The following GPR158 variants were observed in gnomAD, a reference collection of about 807,000 sequenced individuals.
GPR158 encodes G protein-coupled receptor 158, also known as metabotropic glycine receptor.
A neutral mutation model predicts 78.2 loss-of-function variants in GPR158; 30 were observed. That is an observed-to-expected ratio of 0.38 (90% CI 0.29 to 0.52). The LOEUF is 0.52. Ranked by LOEUF, GPR158 falls within the 20% of genes least tolerant of loss-of-function variation. The probability of loss-of-function intolerance (pLI) is 0.83; values close to 1 mark genes in which losing one functional copy is unlikely to be tolerated. For synonymous variants in GPR158, 581 were observed against 591.1 expected, an observed-to-expected ratio of 0.98 and a Z score of 0.25; for missense variants, 1,463 against 1,523.5, an observed-to-expected ratio of 0.96 and a Z score of 0.66.
intron 5 of GPR158, among the ~76,000 whole-genome samples, chr10:25,530,286 G>A (rs781707405): frequency 7.2e-5 from 11 of 152,294 alleles, no homozygotes; most frequent in African/African-American, 2.2e-4. Context: ...TAATGCCAGC[G>A]TGAATCTGGT....
chr10:25,318,460 T>C (rs970877467), intron 2 of GPR158, among the ~76,000 whole-genome samples: 2 of 152,094 alleles, frequency 1.3e-5, no homozygotes, highest in Admixed American at 1.3e-4. Flanking sequence ...GGTGGCTGAG[T>C]TTAATCATAA....
chr10:25,236,835 A>G (rs1041223620), intron 2 of GPR158, among the ~76,000 whole-genome samples: 1 of 152,102 alleles, frequency 6.6e-6, no homozygotes, highest in Non-Finnish European at 1.5e-5. Flanking sequence ...GGTTGCTATT[A>G]ATTACAATAA....
At chr10:25,539,463 T>C (rs574644335) in intron 5 of GPR158, among the ~76,000 whole-genome samples, 168 of 152,194 alleles carry the variant, frequency 1.1e-3, no homozygotes, top group African/African-American at 3.9e-3. Context: ...GAATCACCAC[T>C]AAGACTTTGG....
chr10:25,497,417 CG>C (rs1835896434), intron 5 of GPR158, among the ~76,000 whole-genome samples: 1 of 152,114 alleles, frequency 6.6e-6, no homozygotes, highest in Admixed American at 6.6e-5. Context: ...GAACATAAAG[CG>C]CCTATTAACA....
In GPR158 at chr10:25,254,833, C is replaced by T. The variant is rs544410845; in HGVS notation, c.1008+33676C>T. Among the ~76,000 whole-genome samples, 112 of 152,232 alleles carry T rather than the reference C, an allele frequency of 7.4e-4. 1 individual carries two copies. The Middle Eastern group carries it at 0.02, about 28-fold the overall frequency. On this transcript the variant is annotated intron_variant, in intron 2 of 10. Coordinates refer to ENST00000376351, the MANE Select transcript of GPR158 (RefSeq NM_020752.3). ...AACTTTTAGCAAATTAACTTTCTCA[C>T]CTTGGAAGTATCTAATGACTAGACA...
chr10:25,525,366 G>A (rs1932150), intron 5 of GPR158, among the ~76,000 whole-genome samples: 46,366 of 152,004 alleles, frequency 0.31, 8,017 homozygotes, highest in East Asian at 0.48. Flanking sequence ...GCTCAAAAGT[G>A]GAAGCAATTC....
chr10:25,266,196 A>G lies in GPR158; in HGVS notation c.1008+45039A>G, dbSNP rs572415836. Among the ~76,000 whole-genome samples, 41 of 152,292 alleles carry G rather than the reference A, an allele frequency of 2.7e-4. No individual in the cohort carries two copies. The South Asian group carries it at 3.5e-3, about 13-fold the overall frequency. On this transcript the variant is annotated intron_variant, in intron 2 of 10. Transcript: ENST00000376351. Reference sequence around the variant, plus strand: ...TTAAGTTTCTTTGTTAGAGGTTTTCATAGAACTGGGTTTCTTTCTTTCAGA... The same window carrying G: ...TTAAGTTTCTTTGTTAGAGGTTTTCGTAGAACTGGGTTTCTTTCTTTCAGA...
At chr10:25,311,950 C>T (rs78720017) in intron 2 of GPR158, among the ~76,000 whole-genome samples, 2 of 151,958 alleles carry the variant, frequency 1.3e-5, no homozygotes, top group East Asian at 1.9e-4. Flanking sequence ...TTTTTGACAT[C>T]TGGCCTAATA....
intron 4 of GPR158, among the ~76,000 whole-genome samples, chr10:25,431,076 A>G (rs1385113539): frequency 7.0e-6 from 1 of 142,350 alleles, no homozygotes; most frequent in East Asian, 2.0e-4. Flanking sequence ...TGAACAGGCA[A>G]CCTACTAAAT....
At chr10:25,297,346 A>G (rs534523138) in intron 2 of GPR158, among the ~76,000 whole-genome samples, 45 of 152,336 alleles carry the variant, frequency 3.0e-4, no homozygotes, top group African/African-American at 1.1e-3. Flanking sequence ...ACAAGGTTTG[A>G]CATTGGTCTT....
intron 4 of GPR158, among the ~76,000 whole-genome samples, chr10:25,426,300 A>G (rs1834819145): frequency 6.6e-6 from 1 of 152,130 alleles, no homozygotes; most frequent in Admixed American, 6.6e-5. Context: ...CTTTCTTAAC[A>G]TTCGTATGTT....
intron 2 of GPR158, among the ~76,000 whole-genome samples, chr10:25,256,173 GA>G (rs59576970): frequency 0.044 from 5,995 of 136,744 alleles, 301 homozygotes; most frequent in East Asian, 0.26. Flanking sequence ...ACTTTCGACT[GA>G]AAAAAAAAAA....
intron 6 of GPR158, among the ~76,000 whole-genome samples, chr10:25,560,680 A>G (rs1836849073): frequency 1.3e-5 from 2 of 152,332 alleles, no homozygotes; most frequent in South Asian, 2.1e-4. Flanking sequence ...AAATGATCAC[A>G]CCAGTTAAAT....
intron 2 of GPR158, among the ~76,000 whole-genome samples, chr10:25,241,255 TTTCC>T (rs1853611922): frequency 4.3e-5 from 6 of 138,034 alleles, no homozygotes; most frequent in African/African-American, 1.4e-4. Context: ...CTTTCCTTTC[TTTCC>T]TTTCTTTCTT....
chr10:25,315,705 TTTTAAAGTTTCCTTAAAAC>T (rs1482274715), intron 2 of GPR158, among the ~76,000 whole-genome samples: 1 of 150,978 alleles, frequency 6.6e-6, no homozygotes, highest in East Asian at 1.9e-4. Context: ...GCTCTTTAAT[TTTTAAAGTTTCCTTAAAAC>T]TTTAAAGTTT....
At chr10:25,297,627 G>A (rs1047972243) in intron 2 of GPR158, among the ~76,000 whole-genome samples, 7 of 152,140 alleles carry the variant, frequency 4.6e-5, no homozygotes, top group Admixed American at 2.0e-4. Context: ...TCCCACGTAC[G>A]TTGAATTTAT....
intron 4 of GPR158, among the ~76,000 whole-genome samples, chr10:25,434,067 G>A (rs904976792): frequency 1.3e-5 from 2 of 152,100 alleles, no homozygotes; most frequent in African/African-American, 4.8e-5. Context: ...ACTGAGGCAG[G>A]AGAATGGCGG....
chr10:25,328,210 A>G (rs554540068), intron 2 of GPR158, among the ~76,000 whole-genome samples: 16 of 152,298 alleles, frequency 1.1e-4, no homozygotes, highest in East Asian at 3.9e-4. Context: ...ATAGAAATAC[A>G]TAGATGCCAA....
intron 2 of GPR158, among the ~76,000 whole-genome samples, chr10:25,279,012 TTAA>T (rs1291285390): frequency 6.6e-6 from 1 of 152,082 alleles, no homozygotes; most frequent in African/African-American, 2.4e-5. Context: ...ATATGAAGTA[TTAA>T]TAATGCATAA....
Sources: allele counts gnomAD v4.1 joint callset (sites outside exome capture counted in the v4.1 genomes callset), GRCh38; gene constraint gnomAD v4.1.1; transcripts MANE v1.5; gene names NCBI Gene and HGNC (gene_info 2026-07-23, HGNC 2026-07-21).